Variants in GNAQ observed in about 807,000 individuals in gnomAD.
GNAQ encodes the protein guanine nucleotide-binding protein G(q) subunit alpha.
A neutral mutation model predicts 43.9 loss-of-function variants in GNAQ; 8 were observed. That is an observed-to-expected ratio of 0.18 (90% CI 0.11 to 0.33). The LOEUF (loss-of-function observed/expected upper bound fraction) is 0.33. Among genes scored for constraint, GNAQ ranks in the 10% least tolerant of loss-of-function variants. GNAQ has a pLI of 1.00. For synonymous variants in GNAQ, 155 were observed against 170.7 expected (o/e 0.91, Z 0.71); for missense variants, 158 against 450.8 (o/e 0.35, Z 5.88).
intron 2 of GNAQ, among the ~76,000 whole-genome samples, chr9:77,869,635 C>T (rs1250718177): frequency 6.6e-6 from 1 of 152,192 alleles, no homozygotes; most frequent in East Asian, 1.9e-4. Flanking sequence ...TCAAATGCTT[C>T]TAGGATAAAA....
In GNAQ at chr9:78,016,957, C is replaced by CGTTAT. The variant is rs369022784; in HGVS notation, c.136+14138_136+14142dup. On this transcript the variant is annotated intron_variant, in intron 1 of 6. Coordinates refer to ENST00000286548, the MANE Select transcript of GNAQ (RefSeq NM_002072.5). ...AACTGTTATGTGTTGTGTTACGTTA[C>CGTTAT]GTTATGTTATGTTATGTTATGTTAT... Among the ~76,000 whole-genome samples, 722 of 151,956 alleles carry CGTTAT rather than the reference C, an allele frequency of 4.8e-3. 4 individuals carry two copies. The highest frequency in any genetic ancestry group is 0.017 in the Middle Eastern group (5 of 294).
chr9:77,927,405 A>G (rs962631162), intron 1 of GNAQ, among the ~76,000 whole-genome samples: 1 of 152,184 alleles, frequency 6.6e-6, no homozygotes, highest in Non-Finnish European at 1.5e-5. Context: ...AGAGCTGCCA[A>G]GGCCAAACCA....
chr9:77,910,433 C>T (rs1175367251), intron 2 of GNAQ, among the ~76,000 whole-genome samples: 2 of 152,162 alleles, frequency 1.3e-5, no homozygotes, highest in South Asian at 4.1e-4. Context: ...CAGGAGTTAA[C>T]CAAGAACAGC....
chr9:77,805,256 T>C (rs1826809868), intron 3 of GNAQ, among the ~76,000 whole-genome samples: 1 of 152,130 alleles, frequency 6.6e-6, no homozygotes, highest in South Asian at 2.1e-4. Flanking sequence ...ACAAGATTGC[T>C]CACTCCACAA....
chr9:77,724,314 C>T (rs1168246572), intron 6 of GNAQ, among the ~76,000 whole-genome samples: 1 of 152,086 alleles, frequency 6.6e-6, no homozygotes, highest in Non-Finnish European at 1.5e-5. Flanking sequence ...GCCTCAGCCT[C>T]GTGGGTAGCT....
chr9:77,721,431 G>A lies in GNAQ; in HGVS notation c.972C>T (p.Ile324=). ...VDLNPDSDKI[I]YSHFTCATDT... is the part of the protein sequence containing the mutation. Reference sequence around the variant, plus strand: ...CTGTGGCGCACGTGAAGTGGGAGTAGATAATTTTGTCACTGTCTGGGTTCA... The same window carrying A: ...CTGTGGCGCACGTGAAGTGGGAGTAAATAATTTTGTCACTGTCTGGGTTCA... The change falls in exon 7 of 7, where the codon ATC becomes ATT. Residue 324 remains isoleucine (I), a synonymous_variant. Transcript: ENST00000286548. The A allele has an allele frequency of 6.2e-7, 1 of 1,612,534 alleles. No homozygotes were observed. The highest frequency in any genetic ancestry group is 1.1e-5 in the South Asian group (1 of 91,008).
intron 6 of GNAQ, among the ~76,000 whole-genome samples, chr9:77,727,605 T>C (rs531356284): frequency 2.0e-5 from 3 of 152,316 alleles, no homozygotes; most frequent in African/African-American, 2.4e-5. Context: ...TGGGACTTCA[T>C]TGGGCTATGA....
rs576869429 is a variant in GNAQ at position 77,766,235 on chromosome 9, TAAA to T, written c.735+28225_735+28227del. On this transcript the variant is annotated intron_variant, in intron 5 of 6. Transcript: ENST00000286548. ...AATTTTATATATGTATATTTTACAA[TAAA>T]AATTTTTTATCAGTGTGAAGTGTAA... 2.6e-5 allele frequency among the ~76,000 whole-genome samples: 4 copies of T among 152,304 alleles called. No individual in the cohort carries two copies. The South Asian group carries it at 8.3e-4, about 32-fold the overall frequency.
At chr9:77,986,788 C>T (rs775264113) in intron 1 of GNAQ, among the ~76,000 whole-genome samples, 11 of 148,988 alleles carry the variant, frequency 7.4e-5, no homozygotes, top group Admixed American at 1.3e-4. Flanking sequence ...CAAGAATGAG[C>T]CATGGCACCT....
Position 77,728,734 on chromosome 9 carries a change from T to C in GNAQ, c.736-67A>G, listed in dbSNP as rs1825439933. On this transcript the variant is annotated intron_variant, in intron 5 of 6. Coordinates refer to ENST00000286548, the MANE Select transcript of GNAQ (RefSeq NM_002072.5). The stretch of plus-strand genomic sequence containing the variant: ...ACATGATTACTTAATTTGTGAATTG[T>C]GTTTATTTTATAAGTCCAACCCATC... 16 of 1,149,052 alleles carry C rather than the reference T, an allele frequency of 1.4e-5. No homozygotes were observed. In the South Asian group the frequency reaches 2.2e-4, roughly 16 times the overall value. The allele number at this position is 1,149,052 out of a possible 1,614,324, so 71.2% of individuals were successfully genotyped here.
chr9:77,848,729 C>T lies in GNAQ; in HGVS notation c.322-32959G>A, dbSNP rs74696274. ...GGTATTGGCCTCTCATCAGAGCCAA[C>T]GTCCGCATCATAAGTCTCACTGTGC... is the stretch of plus-strand genomic sequence containing the variant. On this transcript the variant is annotated intron_variant, in intron 2 of 6. Coordinates refer to ENST00000286548, the MANE Select transcript of GNAQ (RefSeq NM_002072.5). Among the ~76,000 whole-genome samples the T allele has an allele frequency of 4.6e-4, 70 of 152,326 alleles. No individual in the cohort carries two copies. In the East Asian group the frequency reaches 0.013, roughly 28 times the overall value.
At chr9:77,982,794 C>T (rs1823384424) in intron 1 of GNAQ, among the ~76,000 whole-genome samples, 1 of 149,510 alleles carries the variant, frequency 6.7e-6, no homozygotes. Context: ...CAGGGCCTGT[C>T]GTGGAGTGGG....
Position 78,031,588 on chromosome 9 carries a change from A to AGCCGCCGCC in GNAQ, c.-362_-354dup, listed in dbSNP as rs573121588. ...AACAGGCGGCCCGCCTCGCCCCCCG[A>AGCCGCCGCC]GCCGCCGCCGCCGCCGCCGCCTGCG... On this transcript the variant is annotated 5_prime_UTR_variant, in exon 1 of 7. Transcript: ENST00000286548. The AGCCGCCGCC allele has an allele frequency of 2.0e-5, 3 of 148,738 alleles. No homozygotes were observed. Among genetic ancestry groups the AGCCGCCGCC allele is most frequent in the East Asian group, 2.0e-4 (1 of 4,960 alleles). 9.2% of individuals were successfully genotyped at this position (148,738 alleles called of 1,614,324 possible). A position where few individuals can be genotyped will look rare whatever the true frequency, so the allele number is the denominator to read the frequency against.
rs186814516 is a variant in GNAQ at position 77,874,267 on chromosome 9, A to G, written c.321+47894T>C. 2.6e-5 allele frequency among the ~76,000 whole-genome samples: 4 copies of G among 152,248 alleles called. No individual in the cohort carries two copies. The East Asian group carries it at 7.7e-4, about 29-fold the overall frequency. Reference sequence around the variant, plus strand: ...TTGGGCTTCCCTTGGGTAAGTCCATAAAAAAGGTAAAACGAGTCTTTCCTC... The same window carrying G: ...TTGGGCTTCCCTTGGGTAAGTCCATGAAAAAGGTAAAACGAGTCTTTCCTC... On this transcript the variant is annotated intron_variant, in intron 2 of 6. Transcript: ENST00000286548.
intron 1 of GNAQ, among the ~76,000 whole-genome samples, chr9:78,030,874 CGTGTGTGTGTCGCTGT>C (rs1191030511): frequency 1.0e-4 from 15 of 146,324 alleles, no homozygotes; most frequent in African/African-American, 2.3e-4. Flanking sequence ...CCCTGTGCTG[CGTGTGTGTGTCGCTGT>C]GTGTGTGTGT....
chr9:77,751,807 CAAACAAACAAAAA>C (rs963889300), intron 5 of GNAQ, among the ~76,000 whole-genome samples: 4 of 151,848 alleles, frequency 2.6e-5, no homozygotes, highest in East Asian at 1.9e-4. Flanking sequence ...AACAAACAAA[CAAACAAACAAAAA>C]AAACAAACGA....
At chr9:77,930,249 T>C (rs753447918) in intron 1 of GNAQ, among the ~76,000 whole-genome samples, 1 of 152,208 alleles carries the variant, frequency 6.6e-6, no homozygotes, top group Non-Finnish European at 1.5e-5. Flanking sequence ...TTTGAGAGAC[T>C]GAACTAAATT....
intron 1 of GNAQ, among the ~76,000 whole-genome samples, chr9:78,003,362 C>A (rs893375306): frequency 1.3e-5 from 2 of 152,164 alleles, no homozygotes; most frequent in African/African-American, 4.8e-5. Flanking sequence ...CCCAGAAGTC[C>A]TTGATGGGGT....
At chr9:78,011,500 G>A (rs903373479) in intron 1 of GNAQ, among the ~76,000 whole-genome samples, 1 of 152,168 alleles carries the variant, frequency 6.6e-6, no homozygotes, top group African/African-American at 2.4e-5. Context: ...GACTATAATT[G>A]CTTTGCACTA....
Sources: allele counts gnomAD v4.1 joint callset (sites outside exome capture counted in the v4.1 genomes callset), GRCh38; gene constraint gnomAD v4.1.1; transcripts MANE v1.5; gene names NCBI Gene and HGNC (gene_info 2026-07-23, HGNC 2026-07-21).